LRRC18: variants seen among roughly 807,000 people sequenced by gnomAD.
LRRC18 encodes the protein leucine-rich repeat-containing protein 18.
Under a neutral mutation model 11.2 loss-of-function variants are expected in LRRC18, and 12 were observed. The ratio of observed to expected loss-of-function variants is 1.07; its 90% CI spans 0.69 to 1.74. The LOEUF is 1.74. Ranked by LOEUF, LRRC18 falls within the 40% of genes most tolerant of loss-of-function variation. The pLI, the probability that LRRC18 is intolerant of heterozygous loss-of-function variation, is 0.00. For synonymous variants in LRRC18, 155 were observed against 130.6 expected (o/e 1.19, Z -1.27); for missense variants, 374 against 330.5 (o/e 1.13, Z -1.02).
the LRRC18 span, among the ~76,000 whole-genome samples, chr10:48,925,540 G>T: frequency 6.6e-6 from 1 of 152,174 alleles, no homozygotes; most frequent in Non-Finnish European, 1.5e-5. Flanking sequence ...GATTCCTTGG[G>T]GGTATAAACA....
chr10:48,934,493 A>G, the LRRC18 span, among the ~76,000 whole-genome samples: 8 of 152,170 alleles, frequency 5.3e-5, no homozygotes, highest in South Asian at 1.5e-3. Context: ...TTTTCCCATT[A>G]TACCTGTCAT....
the LRRC18 span, among the ~76,000 whole-genome samples, chr10:48,933,893 A>G: frequency 0.97 from 147,620 of 152,098 alleles, 71,804 homozygotes; most frequent in East Asian, 1. Context: ...CACCCTTGAT[A>G]CTGGGTAACA....
intron 1 of LRRC18, chr10:48,911,020 A>G: frequency 2.3e-6 from 1 of 442,794 alleles, no homozygotes; most frequent in Non-Finnish European, 3.0e-6. Context: ...TCATGTAGCT[A>G]TCCGGCACTG....
At chr10:48,911,227 C>T (rs1322875283) in intron 1 of LRRC18, among the ~76,000 whole-genome samples, 2 of 152,150 alleles carry the variant, frequency 1.3e-5, no homozygotes, top group African/African-American at 2.4e-5. Flanking sequence ...AAGGGGTTCT[C>T]ATGAGTCATT....
At chr10:48,919,673 C>G in the LRRC18 span, among the ~76,000 whole-genome samples, 1 of 152,314 alleles carries the variant, frequency 6.6e-6, no homozygotes, top group East Asian at 1.9e-4. Flanking sequence ...AAACAATTGT[C>G]TGGAGCCCCT....
At chr10:48,934,743 A>G in the LRRC18 span, among the ~76,000 whole-genome samples, 1 of 152,200 alleles carries the variant, frequency 6.6e-6, no homozygotes, top group Non-Finnish European at 1.5e-5. Context: ...AAGCAGTCAC[A>G]GCTTAGTTTC....
chr10:48,921,142 G>A, the LRRC18 span, among the ~76,000 whole-genome samples: 2 of 152,118 alleles, frequency 1.3e-5, no homozygotes, highest in South Asian at 4.1e-4. Flanking sequence ...TATATGAAAG[G>A]AAAAGAAACT....
chr10:48,913,558 C>T, exon 1 of LRRC18: 1 of 1,614,146 alleles, frequency 6.2e-7, no homozygotes, highest in Non-Finnish European at 8.5e-7. Context: ...TCCTCCACAA[C>T]ATACAAGTTC....
At chr10:48,923,506 A>ATATATATATATATATATG in the LRRC18 span, among the ~76,000 whole-genome samples, 30 of 115,154 alleles carry the variant, frequency 2.6e-4, 2 homozygotes, top group Admixed American at 1.6e-3. Context: ...GTATATATAT[A>ATATATATATATATATATG]TATATATGTC....
At chr10:48,937,759 T>C in the LRRC18 span, among the ~76,000 whole-genome samples, 1 of 152,218 alleles carries the variant, frequency 6.6e-6, no homozygotes, top group Non-Finnish European at 1.5e-5. Context: ...AGGGTGTCTC[T>C]GGTTTGAAAG....
At chr10:48,910,019 TC>T in exon 2 of LRRC18, 1 of 558,676 alleles carries the variant, frequency 1.8e-6, no homozygotes. Context: ...AAAAACCACA[TC>T]AAATATTTCC....
chr10:48,939,281 G>T, the LRRC18 span, among the ~76,000 whole-genome samples: 44 of 152,320 alleles, frequency 2.9e-4, no homozygotes, highest in African/African-American at 9.4e-4. Flanking sequence ...CCAGGACCAC[G>T]CCTGTTGAGT....
At chr10:48,914,144 A>C (rs1452608281) in exon 1 of LRRC18, 3 of 1,612,564 alleles carry the variant, frequency 1.9e-6, no homozygotes, top group Non-Finnish European at 2.5e-6. Context: ...GGCCTTTCTC[A>C]CCCTTAACCA....
chr10:48,927,235 C>T, the LRRC18 span, among the ~76,000 whole-genome samples: 1 of 152,186 alleles, frequency 6.6e-6, no homozygotes, highest in African/African-American at 2.4e-5. Flanking sequence ...AACCCTCCCC[C>T]CTGCTTCCAC....
the LRRC18 span, among the ~76,000 whole-genome samples, chr10:48,927,118 G>C: frequency 6.6e-6 from 1 of 151,880 alleles, no homozygotes; most frequent in Non-Finnish European, 1.5e-5. Context: ...CCTGAAGTTT[G>C]ATTTTTACCG....
At chr10:48,924,063 C>T in the LRRC18 span, among the ~76,000 whole-genome samples, 3 of 152,312 alleles carry the variant, frequency 2.0e-5, no homozygotes, top group Middle Eastern at 6.8e-3. Flanking sequence ...TCCAAAGGGC[C>T]CTTTGGCTCC....
At position 48,913,783 on chromosome 10, in the gene LRRC18, C is replaced by T. The variant is rs776174712; in HGVS notation, c.373G>A (p.Ala125Thr). Residue 125 changes from alanine (A) to threonine (T), a missense_variant, in exon 1 of 2, where the codon GCT (alanine) becomes ACT (threonine). Physicochemically the swap from Ala to Thr is moderately conservative, Grantham distance 58. Coordinates refer to ENST00000374160, the Ensembl canonical transcript of LRRC18. Reference sequence around the variant, plus strand: ...AGGTGGTTCAAGCCTAGGTTCACAGCGCGGATGTTCTTGAGTTGCTTCAGC... The same window carrying T: ...AGGTGGTTCAAGCCTAGGTTCACAGTGCGGATGTTCTTGAGTTGCTTCAGC... 47 of 1,613,938 alleles carry T rather than the reference C, an allele frequency of 2.9e-5. 1 individual carries two copies. In the Admixed American group the frequency reaches 3.0e-4, roughly 10 times the overall value.
At chr10:48,936,770 A>G in the LRRC18 span, among the ~76,000 whole-genome samples, 761 of 150,636 alleles carry the variant, frequency 5.1e-3, 3 homozygotes, top group African/African-American at 0.018. Context: ...CCCAGGAGAC[A>G]GAGGTTGCAG....
upstream of LRRC18, among the ~76,000 whole-genome samples, chr10:48,916,634 G>A (rs1838562800): frequency 6.6e-6 from 1 of 152,202 alleles, no homozygotes; most frequent in South Asian, 2.1e-4. Context: ...AGTCGGGGGA[G>A]AAGAGATGCT....
Sources: allele counts gnomAD v4.1 joint callset (sites outside exome capture counted in the v4.1 genomes callset), GRCh38; gene constraint gnomAD v4.1.1; transcripts MANE v1.5; gene names NCBI Gene and HGNC (gene_info 2026-07-23, HGNC 2026-07-21).